Variants in ERCC1 observed in about 807,000 individuals in gnomAD.
The protein encoded by ERCC1 is DNA excision repair protein ERCC-1.
ERCC1 carries 36 observed loss-of-function variants against 37.6 expected under a neutral mutation model. The observed-to-expected ratio is 0.96, with a 90% CI of 0.73 to 1.26. The LOEUF is 1.26. Ranked by LOEUF, ERCC1 falls within the 50% of genes most tolerant of loss-of-function variation. The pLI is 0.00. For synonymous variants in ERCC1, 156 were observed against 162.1 expected (o/e 0.96, Z 0.28); for missense variants, 349 against 376.5 (o/e 0.93, Z 0.60).
intron 1 of ERCC1, among the ~76,000 whole-genome samples, chr19:45,440,377 G>C (rs931422353): frequency 2.6e-5 from 4 of 152,054 alleles, no homozygotes; most frequent in African/African-American, 9.7e-5. Flanking sequence ...CTGTCCTCAA[G>C]GCCAACCTTT....
chr19:45,428,665 CG>C (rs1460638108), upstream of ERCC1, among the ~76,000 whole-genome samples: 2 of 152,208 alleles, frequency 1.3e-5, no homozygotes, highest in Non-Finnish European at 2.9e-5. Context: ...ACTGTAAGGA[CG>C]GGACCCTCAC....
chr19:45,419,272 G>C, intron 4 of ERCC1, 75 bp from the exon 5 acceptor site: 1 of 1,011,028 alleles, frequency 9.9e-7, no homozygotes, highest in Non-Finnish European at 1.5e-6. Flanking sequence ...CCCTCTCACT[G>C]GAATACTAAG....
At position 45,420,262 on chromosome 19, in the gene ERCC1, A is replaced by G; in HGVS notation, c.425+62T>C. ...ATAGAACAGTCCAGAACACTGGGAC[A>G]TGACCCTCCCAGGCCAGTGGGGTGC... is the stretch of plus-strand genomic sequence containing the variant. On this transcript the variant is annotated intron_variant, in intron 4 of 9. Transcript: ENST00000300853. This position sits in a 1 kb window ranked among gnomAD's most constrained non-coding sequence, Gnocchi z 4.8. The G allele has an allele frequency of 2.8e-6, 3 of 1,067,564 alleles. No individual in the cohort carries two copies. 66.1% of individuals were successfully genotyped at this position (1,067,564 alleles called of 1,614,324 possible). A position where few individuals can be genotyped will look rare whatever the true frequency, so the allele number is the denominator to read the frequency against.
chr19:45,416,522 C>A, intron 6 of ERCC1: 1 of 386,672 alleles, frequency 2.6e-6, no homozygotes, highest in Non-Finnish European at 4.8e-6. Context: ...CGTGGTGGTG[C>A]ACACCTGTAA....
chr19:45,415,928 G>C, intron 6 of ERCC1: 1 of 395,158 alleles, frequency 2.5e-6, no homozygotes, highest in South Asian at 1.8e-5. Context: ...TTGAGCTCAG[G>C]AGTTCAAGAC....
At chr19:45,427,513 G>A (rs1016207103), upstream of ERCC1, among the ~76,000 whole-genome samples, 3 of 152,076 alleles carry the variant, frequency 2.0e-5, no homozygotes, top group Admixed American at 1.3e-4. Flanking sequence ...TACTCGGGAG[G>A]CTGAGACGGA....
chr19:45,411,025 C>T (rs4803818), intron 9 of ERCC1, among the ~76,000 whole-genome samples: 16,844 of 151,992 alleles, frequency 0.11, 1,791 homozygotes, highest in East Asian at 0.3. Context: ...GGTTTCACCA[C>T]GTTGGCCAGG....
chr19:45,432,765 A>G (rs1974866902), intron 1 of ERCC1, among the ~76,000 whole-genome samples: 2 of 152,116 alleles, frequency 1.3e-5, no homozygotes, highest in Admixed American at 1.3e-4. Context: ...AGAGGCCTTC[A>G]ATAATTAGGA....
intron 9 of ERCC1, among the ~76,000 whole-genome samples, chr19:45,412,749 T>C (rs75881772): frequency 6.6e-6 from 1 of 151,188 alleles, no homozygotes; most frequent in African/African-American, 2.4e-5. Context: ...TTTTTTTTTT[T>C]AATTTTTGAG....
intron 1 of ERCC1, among the ~76,000 whole-genome samples, chr19:45,438,463 T>C (rs532980434): frequency 1.3e-5 from 2 of 151,938 alleles, no homozygotes; most frequent in African/African-American, 4.8e-5. Context: ...TTTGTTTGTT[T>C]GTTTATTTAT....
chr19:45,415,649 A>AG (rs1043949565), intron 6 of ERCC1, among the ~76,000 whole-genome samples: 1 of 151,410 alleles, frequency 6.6e-6, no homozygotes, highest in African/African-American at 2.4e-5. Flanking sequence ...AAAAAAAAAA[A>AG]AAAAAAAAAC....
In ERCC1 at chr19:45,409,320, C is replaced by G. The variant is rs1973542442; in HGVS notation, c.*355G>C. On this transcript the variant is annotated 3_prime_UTR_variant, in exon 10 of 10. Transcript: ENST00000300853. Reference sequence around the variant, plus strand: ...CCTGAACTGCCAGGGGAGGGACAGCCTGAAGCCAGGGCAACTCCGGGATCC... The same window carrying G: ...CCTGAACTGCCAGGGGAGGGACAGCGTGAAGCCAGGGCAACTCCGGGATCC... The G allele has an allele frequency of 3.7e-6, 6 of 1,614,040 alleles. No individual in the cohort carries two copies. The highest frequency in any genetic ancestry group is 5.1e-6 in the Non-Finnish European group (6 of 1,180,002).
intron 9 of ERCC1, 167 bp from the exon 10 acceptor site, chr19:45,409,892 A>ATTATTATT (rs1555785239): frequency 5.4e-5 from 11 of 203,776 alleles, no homozygotes; most frequent in African/African-American, 4.6e-4. Flanking sequence ...TATTATTATT[A>ATTATTATT]TTATTTTTTT....
upstream of ERCC1, among the ~76,000 whole-genome samples, chr19:45,427,895 T>C (rs1329113973): frequency 2.0e-5 from 3 of 152,138 alleles, no homozygotes; most frequent in Non-Finnish European, 4.4e-5. Context: ...TCCCGATTCA[T>C]TTCCTTGAAG....
In ERCC1 at chr19:45,423,794, C is replaced by T; in HGVS notation, c.-21G>A. On this transcript the variant is annotated 5_prime_UTR_variant, in exon 1 of 10. Coordinates refer to ENST00000300853, the MANE Select transcript of ERCC1 (RefSeq NM_001983.4). Reference sequence around the variant, plus strand: ...CGCCTCCCGCACCTGTGGTCCGGGCCTCACGGTTTCAGCGCCGCGAGGCCT... The same window carrying T: ...CGCCTCCCGCACCTGTGGTCCGGGCTTCACGGTTTCAGCGCCGCGAGGCCT... 1 of 1,126,302 alleles carries T rather than the reference C, an allele frequency of 8.9e-7. No individual in the cohort carries two copies. The highest frequency in any genetic ancestry group is 4.4e-5 in the East Asian group (1 of 22,768). The allele number at this position is 1,126,302 out of a possible 1,614,324, so 69.8% of individuals were successfully genotyped here.
chr19:45,438,019 T>C (rs1407750715), intron 1 of ERCC1, among the ~76,000 whole-genome samples: 1 of 152,030 alleles, frequency 6.6e-6, no homozygotes, highest in Non-Finnish European at 1.5e-5. Context: ...GTGATTCTCC[T>C]GCCTCCGCCT....
chr19:45,409,229 A>AGTG lies in ERCC1; in HGVS notation c.*445_*446insCAC. ...TGAGCCTCAGGCAGCTCCCACATCC[A>AGTG]CCAAGAAGAAGAAGAAGAAGAAAGA... On this transcript the variant is annotated 3_prime_UTR_variant, in exon 10 of 10. Coordinates refer to ENST00000300853, the MANE Select transcript of ERCC1 (RefSeq NM_001983.4). The AGTG allele has an allele frequency of 1.2e-6, 2 of 1,608,102 alleles. No individual in the cohort carries two copies. Among genetic ancestry groups the AGTG allele is most frequent in the Non-Finnish European group, 1.7e-6 (2 of 1,176,300 alleles).
chr19:45,425,913 A>G (rs1974678890), upstream of ERCC1, among the ~76,000 whole-genome samples: 1 of 151,354 alleles, frequency 6.6e-6, no homozygotes, highest in Non-Finnish European at 1.5e-5. Flanking sequence ...TCTTTCATCT[A>G]TGGGTGTCTA....
intron 1 of ERCC1, among the ~76,000 whole-genome samples, chr19:45,444,721 G>T (rs1489761370): frequency 6.6e-6 from 1 of 152,226 alleles, no homozygotes; most frequent in Non-Finnish European, 1.5e-5. Context: ...ATCGAACAAG[G>T]ACGGGGCCCA....
Sources: gnomAD v4.1 joint callset for allele counts (sites outside exome capture counted in the v4.1 genomes callset) on GRCh38, gnomAD v4.1.1 for gene constraint, Gnocchi (gnomAD v3.1) non-coding constraint, MANE v1.5 for transcripts, NCBI Gene and HGNC (gene_info 2026-07-23, HGNC 2026-07-21) for gene names.